BBS9: variants seen among roughly 807,000 people sequenced by gnomAD.
BBS9 encodes protein PTHB1.
A neutral mutation model predicts 117.7 loss-of-function variants in BBS9; 89 were observed. That is an observed-to-expected ratio of 0.76 (90% CI 0.64 to 0.90). The LOEUF is 0.90. Among genes scored for constraint, BBS9 ranks in the 40% least tolerant of loss-of-function variants. BBS9 has a pLI of 0.00. For missense variants in BBS9, 982 were observed against 1,042.2 expected, an observed-to-expected ratio of 0.94 and a Z score of 0.80; for synonymous variants, 379 against 370.9, an observed-to-expected ratio of 1.02 and a Z score of -0.25.
intron 11 of BBS9, among the ~76,000 whole-genome samples, chr7:33,343,934 T>G (rs931889746): frequency 6.6e-6 from 1 of 152,054 alleles, no homozygotes; most frequent in African/African-American, 2.4e-5. Context: ...TGGCATAATA[T>G]TTTTCTGGGA....
At position 33,146,347 on chromosome 7, in the gene BBS9, A is replaced by G. The variant is rs766448677; in HGVS notation, c.95A>G (p.Asn32Ser). The change falls in exon 2 of 23, where the codon AAT becomes AGT. Residue 32 changes from asparagine (N) to serine (S), a missense_variant. Asn to Ser is a conservative substitution (Grantham distance 46). Transcript: ENST00000242067. The stretch of plus-strand genomic sequence containing the variant: ...TGTTTGTGTCTGGCTAATGTTGACA[A>G]TAGTGGAAATGGACAAGGTAAGCAA... ...QGCLCLANVD[N>S]SGNGQDKIIV... 4 of 1,613,484 alleles carry G rather than the reference A, an allele frequency of 2.5e-6. No homozygotes were observed. Among genetic ancestry groups the G allele is most frequent in the South Asian group, 1.1e-5 (1 of 91,070 alleles).
chr7:33,288,869 T>C (rs1216289087), intron 9 of BBS9, among the ~76,000 whole-genome samples: 1 of 152,214 alleles, frequency 6.6e-6, no homozygotes, highest in African/African-American at 2.4e-5. Context: ...ACTATTATTG[T>C]TATCCTCATT....
chr7:33,462,352 A>G (rs1361061830), intron 19 of BBS9, among the ~76,000 whole-genome samples: 1 of 152,084 alleles, frequency 6.6e-6, no homozygotes, highest in Non-Finnish European at 1.5e-5. Flanking sequence ...AGTTTTTTTG[A>G]CAAGAAATAT....
intron 7 of BBS9, among the ~76,000 whole-genome samples, chr7:33,268,588 G>A (rs1458593255): frequency 6.6e-6 from 1 of 152,162 alleles, no homozygotes; most frequent in African/African-American, 2.4e-5. Flanking sequence ...GTTGTTTTAG[G>A]TGGGATGCTA....
intron 4 of BBS9, among the ~76,000 whole-genome samples, chr7:33,159,893 A>G (rs777802554): frequency 6.6e-6 from 1 of 152,230 alleles, no homozygotes; most frequent in Non-Finnish European, 1.5e-5. Context: ...CAGGGTCCCC[A>G]TGAACCAAAC....
intron 5 of BBS9, among the ~76,000 whole-genome samples, chr7:33,227,071 G>A (rs1473280421): frequency 6.6e-6 from 1 of 151,832 alleles, no homozygotes; most frequent in Non-Finnish European, 1.5e-5. Context: ...AAACCACATA[G>A]CACCAAAAAA....
chr7:33,178,343 C>T (rs1317838086), intron 5 of BBS9, among the ~76,000 whole-genome samples: 1 of 152,192 alleles, frequency 6.6e-6, no homozygotes, highest in Non-Finnish European at 1.5e-5. Context: ...TTCCTCCCAC[C>T]TTGGCAGAGG....
chr7:33,441,182 A>C (rs1395048498), intron 19 of BBS9, among the ~76,000 whole-genome samples: 1 of 152,196 alleles, frequency 6.6e-6, no homozygotes, highest in Non-Finnish European at 1.5e-5. Flanking sequence ...AGCAGAGTAA[A>C]AGAATCATCA....
chr7:33,473,173 T>C (rs1486899447), intron 19 of BBS9, among the ~76,000 whole-genome samples: 3 of 152,334 alleles, frequency 2.0e-5, no homozygotes, highest in Non-Finnish European at 4.4e-5. Context: ...TTAATGAAGA[T>C]AAATCTCCAA....
intron 5 of BBS9, among the ~76,000 whole-genome samples, chr7:33,234,468 T>G (rs935389344): frequency 1.3e-5 from 2 of 152,004 alleles, no homozygotes; most frequent in African/African-American, 4.8e-5. Flanking sequence ...AGTTAGCATT[T>G]TTTCCTTCCC....
At chr7:33,527,064 G>T (rs1849649826) in intron 20 of BBS9, among the ~76,000 whole-genome samples, 2 of 151,716 alleles carry the variant, frequency 1.3e-5, no homozygotes, top group Admixed American at 6.6e-5. Flanking sequence ...CTGCTCGGGG[G>T]TCAGGGGTCA....
At chr7:33,510,978 G>A (rs1162326661) in intron 20 of BBS9, among the ~76,000 whole-genome samples, 1 of 152,198 alleles carries the variant, frequency 6.6e-6, no homozygotes, top group African/African-American at 2.4e-5. Flanking sequence ...GTTCAGATGT[G>A]CAATAACCAG....
chr7:33,376,819 G>T (rs746098571), intron 17 of BBS9, among the ~76,000 whole-genome samples: 16 of 152,080 alleles, frequency 1.1e-4, no homozygotes, highest in Non-Finnish European at 1.3e-4. Flanking sequence ...ATTATTTCAT[G>T]TGCTTGTTGG....
chr7:33,138,030 A>G (rs1790809817), intron 1 of BBS9, among the ~76,000 whole-genome samples: 1 of 152,210 alleles, frequency 6.6e-6, no homozygotes, highest in African/African-American at 2.4e-5. Context: ...ACAGTCTTTA[A>G]AGATTAAAAT....
chr7:33,311,732 G>A (rs762879425), intron 9 of BBS9, among the ~76,000 whole-genome samples: 6 of 151,896 alleles, frequency 4.0e-5, no homozygotes, highest in South Asian at 2.1e-4. Context: ...CAGGATAATC[G>A]CTTGAACCTG....
chr7:33,615,908 T>C lies in BBS9; in HGVS notation c.2522-19269T>C, dbSNP rs79687481. On this transcript the variant is annotated intron_variant, in intron 21 of 21. Transcript: ENST00000671952. ...AAGGGTGGAGTAAAGTATTTAGTGCTGAAAGAAAAATTCACTAGCCTAGAA... is the reference window on the plus strand; with the variant it reads ...AAGGGTGGAGTAAAGTATTTAGTGCCGAAAGAAAAATTCACTAGCCTAGAA... Among the ~76,000 whole-genome samples the C allele has an allele frequency of 5.6e-3, 857 of 152,110 alleles. 20 individuals are homozygous for C. The East Asian group carries it at 0.085, about 15-fold the overall frequency.
intron 4 of BBS9, among the ~76,000 whole-genome samples, chr7:33,175,533 G>T (rs796126536): frequency 1.3e-5 from 2 of 152,194 alleles, no homozygotes; most frequent in South Asian, 2.1e-4. Context: ...GGTTCAGAGC[G>T]CTCTGCTCTT....
At chr7:33,467,681 G>T (rs1399281264) in intron 19 of BBS9, among the ~76,000 whole-genome samples, 2 of 151,848 alleles carry the variant, frequency 1.3e-5, no homozygotes, top group African/African-American at 4.8e-5. Flanking sequence ...ATCCTTAGGT[G>T]GTAGAAATTA....
At chr7:33,254,859 T>C (rs1451782564) in intron 5 of BBS9, among the ~76,000 whole-genome samples, 2 of 152,166 alleles carry the variant, frequency 1.3e-5, no homozygotes, top group Admixed American at 6.5e-5. Context: ...TTTTCTAACA[T>C]GTGAGGTGAT....
Sources: gnomAD v4.1 joint callset for allele counts (sites outside exome capture counted in the v4.1 genomes callset) on GRCh38, gnomAD v4.1.1 for gene constraint, MANE v1.5 for transcripts, NCBI Gene and HGNC (gene_info 2026-07-23, HGNC 2026-07-21) for gene names.